The following DGKH variants were observed in gnomAD, a reference collection of about 807,000 sequenced individuals.
DGKH encodes DAG kinase eta.
Under a neutral mutation model 159.3 loss-of-function variants are expected in DGKH, and 90 were observed. The observed-to-expected ratio is 0.57, with a 90% CI of 0.48 to 0.67. DGKH has a LOEUF of 0.67. Among genes scored for constraint, DGKH ranks in the 30% least tolerant of loss-of-function variants. DGKH has a pLI of 0.00. For synonymous variants in DGKH, 536 were observed against 553.8 expected (o/e 0.97, Z 0.45); for missense variants, 1,181 against 1,506.1 (o/e 0.78, Z 3.57).
rs1956946338 is a variant in DGKH at position 42,186,978 on chromosome 13, A to AAATATATTC, written c.1539-69_1539-61dup. The AAATATATTC allele has an allele frequency of 2.1e-5, 27 of 1,314,622 alleles. No individual in the cohort carries two copies. In the South Asian group the frequency reaches 3.1e-4, roughly 15 times the overall value. 81.4% of individuals were successfully genotyped at this position (1,314,622 alleles called of 1,614,324 possible). On this transcript the variant is annotated intron_variant, in intron 13 of 29. Transcript: ENST00000337343. ...AGTTTGCTTAATTGTGTTTCTTTTT[A>AAATATATTC]AATATATTCATAAATCAAGGCAAAT... is the stretch of plus-strand genomic sequence containing the variant.
chr13:42,205,671 T>C (rs989907449), intron 20 of DGKH, among the ~76,000 whole-genome samples: 2 of 152,152 alleles, frequency 1.3e-5, no homozygotes, highest in African/African-American at 4.8e-5. Context: ...TAGGATCAAC[T>C]TTCTCTTACC....
chr13:42,166,509 TCACAGG>T lies in DGKH; in HGVS notation c.959-5_959del. 1 of 1,504,094 alleles carries T rather than the reference TCACAGG, an allele frequency of 6.6e-7. No individual in the cohort carries two copies. Among genetic ancestry groups the T allele is most frequent in the Admixed American group, 2.2e-5 (1 of 46,124 alleles). The allele number at this position is 1,504,094 out of a possible 1,614,324, so 93.2% of individuals were successfully genotyped here. On this transcript the variant is annotated splice_acceptor_variant and splice_polypyrimidine_tract_variant and coding_sequence_variant and intron_variant, in exon 9 of 30. Transcript: ENST00000337343. LOFTEE classifies it high-confidence loss of function. ...GTATTGATCTTGTGTTGTGTTTTTT[TCACAGG>T]TTTCTGTAGAGCAACATTTTCGTTC... is the stretch of plus-strand genomic sequence containing the variant.
At chr13:42,207,174 CTTCCTTCCTTCCTTCCTTCCTTCT>C (rs1268530837) in intron 21 of DGKH, among the ~76,000 whole-genome samples, 2 of 114,564 alleles carry the variant, frequency 1.7e-5, no homozygotes, top group Non-Finnish European at 3.5e-5. Context: ...TCCTTCCTTC[CTTCCTTCCTTCCTTCCTTCCTTCT>C]TTCTTTTTTG....
chr13:42,045,148 A>G (rs982279909), upstream of DGKH, among the ~76,000 whole-genome samples: 3 of 152,112 alleles, frequency 2.0e-5, no homozygotes, highest in African/African-American at 4.8e-5. Flanking sequence ...AACAACCACA[A>G]CAAAACTAGC....
At chr13:42,133,585 A>G (rs977672415) in intron 3 of DGKH, among the ~76,000 whole-genome samples, 2 of 152,112 alleles carry the variant, frequency 1.3e-5, no homozygotes, top group African/African-American at 4.8e-5. Flanking sequence ...AGTGCCAGCT[A>G]TTCTGGAGGC....
chr13:42,170,352 G>T (rs1004576000), intron 11 of DGKH, among the ~76,000 whole-genome samples: 1 of 152,022 alleles, frequency 6.6e-6, no homozygotes, highest in African/African-American at 2.4e-5. Context: ...GGTGGAGGTG[G>T]CAGTGAGCCA....
rs1956540865 is a variant in DGKH, at chr13:42,174,096, A to G, written c.1404A>G (p.Pro468=). 1 of 1,613,936 alleles carries G rather than the reference A, an allele frequency of 6.2e-7. No homozygotes were observed. The highest frequency in any genetic ancestry group is 8.5e-7 in the Non-Finnish European group (1 of 1,179,950). ...SIMTYELKLP[P]KASLLPGPPE... is the part of the protein sequence containing the mutation. Reference sequence around the variant, plus strand: ...TGACATATGAACTCAAATTGCCACCAAAAGCTTCCCTACTTCCAGGACCTC... The same window carrying G: ...TGACATATGAACTCAAATTGCCACCGAAAGCTTCCCTACTTCCAGGACCTC... The change falls in exon 12 of 30, where the codon CCA becomes CCG. Residue 468 remains proline (P), a synonymous_variant. Coordinates refer to ENST00000337343, the MANE Select transcript of DGKH (RefSeq NM_178009.5).
chr13:42,166,239 C>T (rs1388956238), intron 8 of DGKH, among the ~76,000 whole-genome samples: 7 of 152,090 alleles, frequency 4.6e-5, no homozygotes, highest in African/African-American at 1.7e-4. Context: ...TCTCCCCCAA[C>T]CTAAGCCCTG....
chr13:42,251,749 C>T (rs1306870450), intron 29 of DGKH, among the ~76,000 whole-genome samples: 2 of 152,222 alleles, frequency 1.3e-5, no homozygotes, highest in African/African-American at 4.8e-5. Context: ...GGACCCTCAA[C>T]AGAATCTTTC....
At chr13:42,040,370 G>A (rs1880402887) in intron 1 of DGKH, among the ~76,000 whole-genome samples, 2 of 151,878 alleles carry the variant, frequency 1.3e-5, no homozygotes, top group African/African-American at 4.8e-5. Context: ...GCCCGGCCCC[G>A]GGGGAGGCCG....
At chr13:42,078,307 C>T (rs1954137217) in intron 1 of DGKH, among the ~76,000 whole-genome samples, 1 of 152,130 alleles carries the variant, frequency 6.6e-6, no homozygotes, top group South Asian at 2.1e-4. Flanking sequence ...GTTAAGTTGC[C>T]ATCTAGAGGT....
intron 1 of DGKH, among the ~76,000 whole-genome samples, chr13:42,101,230 G>A (rs909435873): frequency 6.6e-6 from 1 of 152,138 alleles, no homozygotes; most frequent in Non-Finnish European, 1.5e-5. Flanking sequence ...TTAGTTCATT[G>A]ACTTACATTC....
chr13:42,155,535 T>C (rs1956022593), intron 4 of DGKH, 132 bp from the exon 5 acceptor site: 9 of 1,540,348 alleles, frequency 5.8e-6, no homozygotes, highest in Non-Finnish European at 8.0e-6. Context: ...ATTCTTATCT[T>C]AAAGCAAAGT....
rs958333358 is a variant in DGKH at position 42,237,587 on chromosome 13, T to C, written c.*8399T>C. On this transcript the variant is annotated 3_prime_UTR_variant, in exon 30 of 30. Transcript: ENST00000337343. Reference sequence around the variant, plus strand: ...GCACACCCCCAGAAAACAAAAAATATCACATTGATGAAGTCCGAGACTGTA... The same window carrying C: ...GCACACCCCCAGAAAACAAAAAATACCACATTGATGAAGTCCGAGACTGTA... The C allele has an allele frequency of 6.6e-6, 1 of 152,178 alleles. No individual in the cohort carries two copies. Among genetic ancestry groups the C allele is most frequent in the African/African-American group, 2.4e-5 (1 of 41,448 alleles). The allele number at this position is 152,178 out of a possible 1,614,324, so 9.4% of individuals were successfully genotyped here.
At chr13:42,243,056 G>A (rs1958544254), downstream of DGKH, among the ~76,000 whole-genome samples, 1 of 152,148 alleles carries the variant, frequency 6.6e-6, no homozygotes, top group South Asian at 2.1e-4. Flanking sequence ...TTGCAAAGCT[G>A]TAGTACAGTA....
chr13:42,055,423 CAA>C (rs917280441), intron 1 of DGKH, among the ~76,000 whole-genome samples: 2 of 152,162 alleles, frequency 1.3e-5, no homozygotes, highest in African/African-American at 4.8e-5. Flanking sequence ...ATTTTGATTA[CAA>C]GTTAAACATG....
At chr13:42,132,773 C>T (rs1459845053) in intron 3 of DGKH, among the ~76,000 whole-genome samples, 3 of 152,088 alleles carry the variant, frequency 2.0e-5, no homozygotes, top group Non-Finnish European at 4.4e-5. Context: ...GTGGCATGCA[C>T]CTATAGTCCC....
chr13:42,152,841 GGC>G (rs879682675), intron 3 of DGKH, among the ~76,000 whole-genome samples: 15,272 of 151,960 alleles, frequency 0.1, 1,859 homozygotes, highest in African/African-American at 0.29. Context: ...TGTTTCGCTG[GGC>G]CGAGTTCAAA....
chr13:42,052,643 A>G (rs953246400), intron 1 of DGKH, among the ~76,000 whole-genome samples: 4 of 152,256 alleles, frequency 2.6e-5, no homozygotes, highest in African/African-American at 9.6e-5. Context: ...TTTTGAAACA[A>G]CGCTAATACA....
Sources: gnomAD v4.1 joint callset for allele counts (sites outside exome capture counted in the v4.1 genomes callset) on GRCh38, gnomAD v4.1.1 for gene constraint, MANE v1.5 for transcripts, NCBI Gene and HGNC (gene_info 2026-07-23, HGNC 2026-07-21) for gene names.